SYNE2: variants seen among roughly 807,000 people sequenced by gnomAD.
SYNE2 encodes spectrin repeat containing nuclear envelope protein 2.
SYNE2 carries 431 observed loss-of-function variants against 856.3 expected under a neutral mutation model. The observed-to-expected ratio is 0.50, with a 90% CI of 0.47 to 0.55. The LOEUF (loss-of-function observed/expected upper bound fraction) is 0.55, where lower values mean the gene tolerates loss of function less well. Among genes scored for constraint, SYNE2 ranks in the 20% least tolerant of loss-of-function variants. SYNE2 has a pLI of 0.00. For missense variants in SYNE2, 8,129 were observed against 8,023.2 expected (o/e 1.01, Z -0.50); for synonymous variants, 2,923 against 2,872.3 (o/e 1.02, Z -0.56).
intron 52 of SYNE2, among the ~76,000 whole-genome samples, chr14:64,072,734 C>G (rs1226079486): frequency 6.6e-6 from 1 of 152,200 alleles, no homozygotes; most frequent in East Asian, 1.9e-4. Flanking sequence ...CGCCTGACTT[C>G]AGGTCATCTG....
At chr14:64,169,607 C>A (rs2098400542) in intron 93 of SYNE2, among the ~76,000 whole-genome samples, 1 of 152,254 alleles carries the variant, frequency 6.6e-6, no homozygotes, top group Admixed American at 6.5e-5. Flanking sequence ...ACCACCCATA[C>A]ACCTCTGAAT....
intron 1 of SYNE2, among the ~76,000 whole-genome samples, chr14:63,762,486 T>A (rs1315161189): frequency 1.4e-5 from 2 of 141,544 alleles, no homozygotes; most frequent in Non-Finnish European, 3.1e-5. Flanking sequence ...GAAAAAACTA[T>A]CAAGAACTTT....
intron 43 of SYNE2, among the ~76,000 whole-genome samples, chr14:64,028,201 C>G (rs1372364555): frequency 6.6e-6 from 1 of 151,906 alleles, no homozygotes; most frequent in Non-Finnish European, 1.5e-5. Flanking sequence ...CACACCTGGC[C>G]TGTTGTTGTT....
chr14:64,155,799 G>A (rs534635183), intron 85 of SYNE2, among the ~76,000 whole-genome samples: 73 of 152,312 alleles, frequency 4.8e-4, no homozygotes, highest in African/African-American at 1.7e-3. Context: ...GTGGTGGCAT[G>A]CACCTGTAAT....
chr14:64,008,380 G>A (rs2096816290), intron 31 of SYNE2, among the ~76,000 whole-genome samples: 1 of 152,144 alleles, frequency 6.6e-6, no homozygotes, highest in Admixed American at 6.5e-5. Context: ...TTTGGGAATT[G>A]GGAGCATTAC....
chr14:64,224,310 C>T, intron 113 of SYNE2, 151 bp from the exon 114 acceptor site: 1 of 750,228 alleles, frequency 1.3e-6, no homozygotes. Context: ...GTGATTGTGC[C>T]ACTGCACTCC....
intron 1 of SYNE2, among the ~76,000 whole-genome samples, chr14:63,796,543 C>T (rs544355987): frequency 6.6e-6 from 1 of 152,086 alleles, no homozygotes; most frequent in East Asian, 1.9e-4. Context: ...AAATGTATAA[C>T]GTATTAAATT....
chr14:64,195,289 T>C (rs1238558850), intron 99 of SYNE2, among the ~76,000 whole-genome samples: 3 of 152,200 alleles, frequency 2.0e-5, no homozygotes, highest in African/African-American at 7.2e-5. Flanking sequence ...TCTTTTTGCT[T>C]ATCTGTACTT....
In SYNE2 at chr14:64,031,203, G is replaced by A. The variant is rs1450300766; in HGVS notation, c.7067G>A (p.Cys2356Tyr). 1 of 1,614,048 alleles carries A rather than the reference G, an allele frequency of 6.2e-7. No homozygotes were observed. The highest frequency in any genetic ancestry group is 8.5e-7 in the Non-Finnish European group (1 of 1,180,028). The change falls in exon 45 of 116, where the codon TGT becomes TAT. Residue 2356 changes from cysteine to tyrosine, a missense_variant. Cys to Tyr is a radical substitution (Grantham distance 194). Around this residue, in one of 3 missense-constraint regions of SYNE2, gnomAD observed 297 missense variants for 380.9 expected, o/e 0.78. Transcript: ENST00000555002. ...TCTGCTAAGCAGGAGATGGAATGTT[G>A]TCTCAACAGCATTCTCAAATCAAAA... ...LASAKQEMEC[C>Y]LNSILKSKRS...
chr14:63,941,690 T>G lies in SYNE2; in HGVS notation c.142-5T>G. ...AATGATTATTTTTCTTGTGACCTTCTGCAGCACACTTCTCCCTCAGTTATA... is the reference window on the plus strand; with the variant it reads ...AATGATTATTTTTCTTGTGACCTTCGGCAGCACACTTCTCCCTCAGTTATA... On this transcript the variant is annotated splice_region_variant and splice_polypyrimidine_tract_variant and intron_variant, in intron 3 of 115. Transcript: ENST00000555002. 1.2e-6 allele frequency: 2 copies of G among 1,612,794 alleles called. No homozygotes were observed. The highest frequency in any genetic ancestry group is 8.5e-7 in the Non-Finnish European group (1 of 1,178,918).
chr14:63,902,709 T>G (rs1244132138), intron 1 of SYNE2, among the ~76,000 whole-genome samples: 4 of 151,920 alleles, frequency 2.6e-5, no homozygotes, highest in Admixed American at 1.3e-4. Flanking sequence ...TCTTTTTTTT[T>G]TGGAGACAAG....
At position 64,056,005 on chromosome 14, in the gene SYNE2, T is replaced by C; in HGVS notation, c.9806T>C (p.Val3269Ala). Reference sequence around the variant, plus strand: ...TATAAAGAAGCAGTCACCAGGGCAGTGGAGAGCATCACTTCCCTCGAAGCC... The same window carrying C: ...TATAAAGAAGCAGTCACCAGGGCAGCGGAGAGCATCACTTCCCTCGAAGCC... The part of the protein sequence containing the change: ...TRYKEAVTRA[V>A]ESITSLEAII... The change falls in exon 49 of 116, where the codon GTG (valine) becomes GCG (alanine). Residue 3269 changes from valine to alanine, a missense_variant. By Grantham distance (64) the Val-to-Ala change is moderately conservative. Coordinates refer to ENST00000555002, the MANE Select transcript of SYNE2 (RefSeq NM_182914.3). 2 of 1,614,100 alleles carry C rather than the reference T, an allele frequency of 1.2e-6. No homozygotes were observed. The highest frequency in any genetic ancestry group is 1.7e-6 in the Non-Finnish European group (2 of 1,179,944).
At chr14:64,069,989 G>A (rs1047161720) in intron 51 of SYNE2, among the ~76,000 whole-genome samples, 2 of 152,164 alleles carry the variant, frequency 1.3e-5, no homozygotes, top group Admixed American at 6.5e-5. Flanking sequence ...GGATTCGAGG[G>A]GAGGCGTAAG....
chr14:64,198,882 T>G (rs2098550372), intron 99 of SYNE2, among the ~76,000 whole-genome samples: 1 of 152,236 alleles, frequency 6.6e-6, no homozygotes, highest in Admixed American at 6.5e-5. Flanking sequence ...GAACATCATT[T>G]ACTCCTTCAA....
chr14:64,192,499 G>C (rs189648065), intron 99 of SYNE2, among the ~76,000 whole-genome samples: 1 of 152,278 alleles, frequency 6.6e-6, no homozygotes, highest in Non-Finnish European at 1.5e-5. Context: ...CCTTTTGGTG[G>C]GAAAGAGATA....
At chr14:64,188,458 T>G (rs1425371577) in intron 97 of SYNE2, 92 bp from the exon 98 acceptor site, 2 of 1,454,268 alleles carry the variant, frequency 1.4e-6, no homozygotes, top group Non-Finnish European at 1.9e-6. Flanking sequence ...AGCTACTGAT[T>G]AAAATGAATG....
chr14:63,849,588 G>A (rs1890338298), upstream of SYNE2, among the ~76,000 whole-genome samples: 1 of 152,134 alleles, frequency 6.6e-6, no homozygotes, highest in South Asian at 2.1e-4. Flanking sequence ...TGGCACCCAA[G>A]TATAAGACTG....
At chr14:64,172,369 A>G (rs1428991843) in intron 94 of SYNE2, among the ~76,000 whole-genome samples, 4 of 152,278 alleles carry the variant, frequency 2.6e-5, no homozygotes, top group Non-Finnish European at 5.9e-5. Context: ...AAGCTCACTC[A>G]CATGACTGAT....
intron 58 of SYNE2, 118 bp from the exon 59 acceptor site, chr14:64,089,456 G>A (rs2097590118): frequency 2.3e-6 from 2 of 858,418 alleles, no homozygotes; most frequent in Admixed American, 2.4e-5. Flanking sequence ...TTTTTCAGAG[G>A]TATAGATGGC....
Sources: allele counts gnomAD v4.1 joint callset (sites outside exome capture counted in the v4.1 genomes callset), GRCh38; gene constraint gnomAD v4.1.1; regional missense constraint gnomAD v4.1.1; transcripts MANE v1.5; gene names NCBI Gene and HGNC (gene_info 2026-07-23, HGNC 2026-07-21).